The following ANKRD28 variants were observed in gnomAD, a reference collection of about 807,000 sequenced individuals.
The protein encoded by ANKRD28 is ankyrin repeat domain 28, also known as serine/threonine-protein phosphatase 6 regulatory ankyrin repeat subunit A.
Under a neutral mutation model 126.5 loss-of-function variants are expected in ANKRD28, and 44 were observed. The ratio of observed to expected loss-of-function variants is 0.35; its 90% confidence interval spans 0.27 to 0.45. The LOEUF (loss-of-function observed/expected upper bound fraction) is 0.45. Among genes scored for constraint, ANKRD28 ranks in the 20% least tolerant of loss-of-function variants. The pLI is 1.00. For synonymous variants in ANKRD28, 442 were observed against 468.5 expected, an observed-to-expected ratio of 0.94 and a Z score of 0.73; for missense variants, 1,110 against 1,316.6, an observed-to-expected ratio of 0.84 and a Z score of 2.43.
chr3:15,697,352 A>G (rs2069765362), intron 14 of ANKRD28: 1 of 152,218 alleles, frequency 6.6e-6, no homozygotes. Context: ...TGAGGGATAA[A>G]AGACTACACA....
intron 4 of ANKRD28, among the ~76,000 whole-genome samples, chr3:15,737,804 TAC>T (rs1045786754): frequency 6.6e-6 from 1 of 151,998 alleles, no homozygotes; most frequent in African/African-American, 2.4e-5. Context: ...ATAGATTTTT[TAC>T]ACTGCATATA....
At chr3:15,711,413 T>A in intron 11 of ANKRD28, 139 bp from the exon 12 acceptor site, 1 of 613,268 alleles carries the variant, frequency 1.6e-6, no homozygotes, top group Non-Finnish European at 2.9e-6. Flanking sequence ...AGTGCCTGTT[T>A]AAAAGGCAAT....
At position 15,774,893 on chromosome 3, in the gene ANKRD28, T is replaced by C. The variant is rs1322219577; in HGVS notation, c.202-8581A>G. On this transcript the variant is annotated intron_variant, in intron 2 of 27. Coordinates refer to ENST00000683139, the MANE Select transcript of ANKRD28 (RefSeq NM_001349278.2). The stretch of plus-strand genomic sequence containing the variant: ...TATTTATGTATGTATGTATTTATTT[T>C]TCAGACAGAGTCTCACTCTGTTGCC... Among the ~76,000 whole-genome samples, 3 of 150,992 alleles carry C rather than the reference T, an allele frequency of 2.0e-5. 1 individual carries two copies.
chr3:15,747,789 G>C, intron 4 of ANKRD28, among the ~76,000 whole-genome samples: 1 of 152,116 alleles, frequency 6.6e-6, no homozygotes, highest in African/African-American at 2.4e-5. Context: ...GCTGTTAATG[G>C]AGTATTAAAG....
At chr3:15,772,741 C>G (rs1430877557) in intron 2 of ANKRD28, among the ~76,000 whole-genome samples, 1 of 152,126 alleles carries the variant, frequency 6.6e-6, no homozygotes, top group Non-Finnish European at 1.5e-5. Context: ...GGCTAGCGTG[C>G]AGTGGCGCGA....
intron 1 of ANKRD28, among the ~76,000 whole-genome samples, chr3:15,835,405 T>G (rs2061300341): frequency 6.6e-6 from 1 of 152,172 alleles, no homozygotes; most frequent in Non-Finnish European, 1.5e-5. Flanking sequence ...ATAAATAGCT[T>G]TTAATTGCCT....
intron 14 of ANKRD28, among the ~76,000 whole-genome samples, chr3:15,705,221 A>G (rs887880992): frequency 6.6e-6 from 1 of 152,200 alleles, no homozygotes; most frequent in African/African-American, 2.4e-5. Flanking sequence ...TAAGAAAACT[A>G]GTGATTTTAG....
chr3:15,701,770 A>C (rs1277131228), intron 14 of ANKRD28, among the ~76,000 whole-genome samples: 2 of 152,194 alleles, frequency 1.3e-5, no homozygotes, highest in Admixed American at 6.5e-5. Context: ...TGTTTCACAA[A>C]CTAATTCTGA....
chr3:15,734,123 A>G (rs1173429851), intron 6 of ANKRD28, among the ~76,000 whole-genome samples: 1 of 152,232 alleles, frequency 6.6e-6, no homozygotes, highest in Non-Finnish European at 1.5e-5. Context: ...TCATACACGG[A>G]GAGCCAACTT....
Position 15,721,117 on chromosome 3 carries a change from G to C in ANKRD28, c.794C>G (p.Pro265Arg). The C allele has an allele frequency of 1.9e-6, 3 of 1,609,248 alleles. No individual in the cohort carries two copies. The highest frequency in any genetic ancestry group is 2.5e-6 in the Non-Finnish European group (3 of 1,178,196). Reference protein sequence around the residue: ...LLDLGVDMNEPNAYGNTPLHV... With the variant: ...LLDLGVDMNERNAYGNTPLHV... The stretch of plus-strand genomic sequence containing the variant: ...AAGAGGTGTATTTCCATAGGCATTT[G>C]GTTCATTCATCTATTAGAAGGGAAA... Residue 265 changes from proline to arginine, a missense_variant, in exon 8 of 28, where the codon CCA becomes CGA. Pro to Arg is a moderately radical substitution (Grantham distance 103). Coordinates refer to ENST00000683139, the MANE Select transcript of ANKRD28 (RefSeq NM_001349278.2).
chr3:15,672,889 C>A (rs1315300170), intron 27 of ANKRD28, among the ~76,000 whole-genome samples: 1 of 152,244 alleles, frequency 6.6e-6, no homozygotes, highest in African/African-American at 2.4e-5. Context: ...GATTCTCTTG[C>A]CTCAGCCTCC....
Position 15,735,442 on chromosome 3 carries a change from T to C in ANKRD28, c.608A>G (p.Asp203Gly). ...TGCTGCCCAATGGATAGCACGCCTA[T>C]CTTTCTTGTCAAAAGCATTAATATT... is the stretch of plus-strand genomic sequence containing the variant. ...GANINAFDKK[D>G]RRAIHWAAYM... Residue 203 changes from aspartate (D) to glycine (G), a missense_variant, in exon 6 of 28, where the codon GAT (aspartate) becomes GGT (glycine). Asp to Gly is a moderately conservative substitution (Grantham distance 94). Transcript: ENST00000683139. 2 of 1,560,528 alleles carry C rather than the reference T, an allele frequency of 1.3e-6. No individual in the cohort carries two copies. Among genetic ancestry groups the C allele is most frequent in the Non-Finnish European group, 1.7e-6 (2 of 1,151,060 alleles).
chr3:15,784,832 A>G (rs7626089), intron 2 of ANKRD28, among the ~76,000 whole-genome samples: 123,838 of 152,004 alleles, frequency 0.81, 50,588 homozygotes, highest in East Asian at 0.93. Context: ...CTGAGAATAC[A>G]GCAGAGTAGG....
intron 1 of ANKRD28, among the ~76,000 whole-genome samples, chr3:15,832,905 C>A (rs1219317903): frequency 1.3e-5 from 2 of 151,366 alleles, no homozygotes; most frequent in African/African-American, 2.4e-5. Context: ...AGTGTAGATA[C>A]CTTTTTGACA....
At chr3:15,690,659 G>T (rs2068667793) in intron 17 of ANKRD28, among the ~76,000 whole-genome samples, 1 of 152,086 alleles carries the variant, frequency 6.6e-6, no homozygotes, top group Non-Finnish European at 1.5e-5. Context: ...TGACCTTCTG[G>T]GCTTAAGTGA....
intron 1 of ANKRD28, among the ~76,000 whole-genome samples, chr3:15,841,604 TA>T (rs111785682): frequency 4.0e-5 from 6 of 149,748 alleles, no homozygotes; most frequent in South Asian, 4.2e-4. Flanking sequence ...AATAACCCAA[TA>T]AAAAAAAATG....
intron 3 of ANKRD28, among the ~76,000 whole-genome samples, chr3:15,757,207 C>T (rs1181610166): frequency 6.6e-6 from 1 of 151,928 alleles, no homozygotes; most frequent in Non-Finnish European, 1.5e-5. Context: ...TATGTGTTAA[C>T]TGTTTATGTT....
intron 14 of ANKRD28, among the ~76,000 whole-genome samples, chr3:15,701,647 A>AAAATAAATAAATAAAT (rs373322435): frequency 8.5e-5 from 13 of 152,136 alleles, no homozygotes; most frequent in African/African-American, 2.9e-4. Flanking sequence ...TCCGTCTCAA[A>AAAATAAATAAATAAAT]AAATAAATAA....
At chr3:15,768,400 C>G (rs1237008879) in intron 2 of ANKRD28, among the ~76,000 whole-genome samples, 1 of 152,126 alleles carries the variant, frequency 6.6e-6, no homozygotes, top group East Asian at 1.9e-4. Flanking sequence ...CGTATCTTAA[C>G]ATTTGGGAGG....
Sources: gnomAD v4.1 joint callset for allele counts (sites outside exome capture counted in the v4.1 genomes callset) on GRCh38, gnomAD v4.1.1 for gene constraint, MANE v1.5 for transcripts, NCBI Gene and HGNC (gene_info 2026-07-23, HGNC 2026-07-21) for gene names.